The following PTK2 variants were observed in gnomAD, a reference collection of about 807,000 sequenced individuals.
The protein encoded by PTK2 is protein tyrosine kinase 2, also known as focal adhesion kinase 1.
A neutral mutation model predicts 150.1 loss-of-function variants in PTK2; 45 were observed. The ratio of observed to expected loss-of-function variants is 0.30; its 90% CI spans 0.24 to 0.38. PTK2 has a LOEUF of 0.38. Ranked by LOEUF, PTK2 falls within the 10% of genes least tolerant of loss-of-function variation. The probability of loss-of-function intolerance (pLI) is 1.00; values close to 1 mark genes in which losing one functional copy is unlikely to be tolerated. For missense variants in PTK2, 919 were observed against 1,307.3 expected, an observed-to-expected ratio of 0.70 and a Z score of 4.58; for synonymous variants, 432 against 449.2, an observed-to-expected ratio of 0.96 and a Z score of 0.48.
chr8:140,907,194 A>T (rs2100161244), intron 2 of PTK2, among the ~76,000 whole-genome samples: 1 of 152,168 alleles, frequency 6.6e-6, no homozygotes, highest in Admixed American at 6.5e-5. Flanking sequence ...GGTTCAACCT[A>T]CTAAACTGTT....
chr8:140,913,042 A>T (rs1357591136), intron 2 of PTK2, among the ~76,000 whole-genome samples: 2 of 152,236 alleles, frequency 1.3e-5, no homozygotes, highest in Non-Finnish European at 2.9e-5. Flanking sequence ...CTAAGGGGGA[A>T]AAAAGGGGAA....
intron 1 of PTK2, among the ~76,000 whole-genome samples, chr8:140,949,605 A>G (rs2100178831): frequency 6.6e-6 from 1 of 152,242 alleles, no homozygotes; most frequent in Non-Finnish European, 1.5e-5. Context: ...CAGCGCTGAC[A>G]CACCAGCCCC....
intron 15 of PTK2, among the ~76,000 whole-genome samples, chr8:140,762,102 C>G (rs1017350535): frequency 6.6e-6 from 1 of 152,016 alleles, no homozygotes; most frequent in Non-Finnish European, 1.5e-5. Context: ...AGTGTAATCA[C>G]CAATGAAATA....
intron 2 of PTK2, among the ~76,000 whole-genome samples, chr8:140,906,322 C>T (rs1256804175): frequency 2.0e-5 from 3 of 152,062 alleles, no homozygotes; most frequent in Non-Finnish European, 4.4e-5. Flanking sequence ...AATATATGAT[C>T]CAGCAATCCC....
chr8:140,718,121 G>C, intron 22 of PTK2: 1 of 168,722 alleles, frequency 5.9e-6, no homozygotes. Context: ...GATCACGCCA[G>C]CACTTACGTG....
Position 140,674,440 on chromosome 8 carries a change from C to T in PTK2, c.2603-36G>A, listed in dbSNP as rs1490116878. 9.8e-6 allele frequency: 15 copies of T among 1,535,158 alleles called. No individual in the cohort carries two copies. In the East Asian group the frequency reaches 1.9e-4, roughly 20 times the overall value. On this transcript the variant is annotated intron_variant, in intron 28 of 31. Coordinates refer to ENST00000522684, the Ensembl canonical transcript of PTK2. The stretch of plus-strand genomic sequence containing the variant: ...AGAATGATTCCCATTAAGTCATGTG[C>T]GTTAAGAAAGATTAAGAGGCTGGGG...
chr8:140,728,850 G>T (rs1359173261), intron 22 of PTK2, among the ~76,000 whole-genome samples: 1 of 152,066 alleles, frequency 6.6e-6, no homozygotes, highest in African/African-American at 2.4e-5. Context: ...GAGAATATGG[G>T]TAGTATTTGT....
intron 11 of PTK2, among the ~76,000 whole-genome samples, chr8:140,803,143 T>A (rs1298349542): frequency 2.0e-5 from 3 of 150,626 alleles, no homozygotes; most frequent in Non-Finnish European, 2.9e-5. Flanking sequence ...GCCTCGCAAG[T>A]AGCTGGGATT....
At chr8:140,733,527 A>C (rs2100050767) in intron 22 of PTK2, among the ~76,000 whole-genome samples, 1 of 152,194 alleles carries the variant, frequency 6.6e-6, no homozygotes. Context: ...GGGTGATAGA[A>C]CTGGTATCAG....
chr8:140,809,185 G>C (rs935022679), intron 10 of PTK2, among the ~76,000 whole-genome samples: 2 of 152,030 alleles, frequency 1.3e-5, no homozygotes, highest in Non-Finnish European at 2.9e-5. Context: ...AAAGGGAAGA[G>C]CACAATAAAA....
intron 18 of PTK2, 77 bp downstream of exon 21, chr8:140,746,683 A>G: frequency 3.7e-6 from 4 of 1,095,238 alleles, no homozygotes; most frequent in Non-Finnish European, 5.4e-6. Context: ...CAAGATATAA[A>G]CTGTTTATAT....
At chr8:140,771,178 T>C (rs1249571407) in intron 14 of PTK2, 2 of 153,004 alleles carry the variant, frequency 1.3e-5, no homozygotes, top group East Asian at 1.9e-4. Flanking sequence ...AGCAGAAAAA[T>C]AGCAGATCTT....
intron 22 of PTK2, among the ~76,000 whole-genome samples, chr8:140,721,076 T>TA (rs2100042686): frequency 7.7e-6 from 1 of 129,946 alleles, no homozygotes; most frequent in African/African-American, 3.9e-5. Flanking sequence ...TCTTTCTTTA[T>TA]TTTTTTTTTT....
chr8:140,796,873 C>T (rs1342129520), intron 12 of PTK2, among the ~76,000 whole-genome samples: 3 of 150,818 alleles, frequency 2.0e-5, no homozygotes, highest in African/African-American at 4.9e-5. Context: ...TTTGGAGATA[C>T]ACACACACAC....
chr8:140,760,508 C>A (rs1476455552), intron 16 of PTK2, among the ~76,000 whole-genome samples: 1 of 152,024 alleles, frequency 6.6e-6, no homozygotes, highest in African/African-American at 2.4e-5. Flanking sequence ...TTCATTTATA[C>A]AAAATGTCCA....
intron 2 of PTK2, among the ~76,000 whole-genome samples, chr8:140,904,710 T>A (rs1359780762): frequency 6.6e-6 from 1 of 152,222 alleles, no homozygotes; most frequent in East Asian, 1.9e-4. Context: ...TTTGACTTCT[T>A]CCTGATTTAG....
chr8:140,966,180 T>G (rs2100185213), intron 1 of PTK2, among the ~76,000 whole-genome samples: 1 of 152,212 alleles, frequency 6.6e-6, no homozygotes. Context: ...ATCTACTTTT[T>G]GTTCACCATT....
chr8:140,793,926 T>A (rs546861436), intron 12 of PTK2, among the ~76,000 whole-genome samples: 1 of 152,286 alleles, frequency 6.6e-6, no homozygotes, highest in Admixed American at 6.5e-5. Context: ...CTACCACAGT[T>A]CAGGGTGAGC....
intron 4 of PTK2, among the ~76,000 whole-genome samples, chr8:140,876,386 T>C (rs868802147): frequency 6.6e-6 from 1 of 152,354 alleles, no homozygotes; most frequent in Middle Eastern, 3.4e-3. Context: ...TTGAACATAT[T>C]ATCCCACTAT....
Sources: gnomAD v4.1 joint callset for allele counts (sites outside exome capture counted in the v4.1 genomes callset) on GRCh38, gnomAD v4.1.1 for gene constraint, MANE v1.5 for transcripts, NCBI Gene and HGNC (gene_info 2026-07-23, HGNC 2026-07-21) for gene names.